ANKRD42: variants seen among roughly 807,000 people sequenced by gnomAD.
ANKRD42 encodes the protein ankyrin repeat domain 42, also known as ankyrin repeat domain-containing protein 42.
Under a neutral mutation model 51.5 loss-of-function variants are expected in ANKRD42, and 43 were observed. That is an observed-to-expected ratio of 0.83 (90% confidence interval 0.65 to 1.08). The LOEUF (loss-of-function observed/expected upper bound fraction) is 1.08, where lower values mean the gene tolerates loss of function less well. Among genes scored for constraint, ANKRD42 ranks in the 50% least tolerant of loss-of-function variants. The probability of loss-of-function intolerance (pLI) is 0.00; values close to 1 mark genes in which losing one functional copy is unlikely to be tolerated. For missense variants in ANKRD42, 608 were observed against 629.3 expected, an observed-to-expected ratio of 0.97 and a Z score of 0.36; for synonymous variants, 203 against 213.0, an observed-to-expected ratio of 0.95 and a Z score of 0.41.
intron 5 of ANKRD42, among the ~76,000 whole-genome samples, chr11:83,221,095 T>G (rs1862705879): frequency 1.3e-5 from 2 of 152,152 alleles, no homozygotes. Flanking sequence ...TTTTTTCTCC[T>G]ATGACTGGGT....
intron 8 of ANKRD42, among the ~76,000 whole-genome samples, chr11:83,239,482 C>T (rs1303394315): frequency 6.6e-6 from 1 of 152,058 alleles, no homozygotes; most frequent in East Asian, 1.9e-4. Flanking sequence ...AACACAAAGT[C>T]ATAAAAATTT....
At chr11:83,208,218 G>T (rs1051054277) in intron 3 of ANKRD42, among the ~76,000 whole-genome samples, 13 of 148,826 alleles carry the variant, frequency 8.7e-5, no homozygotes, top group African/African-American at 3.4e-4. Context: ...TCTGTGGGAG[G>T]GGGGGGTCTC....
At chr11:83,197,157 C>G (rs1861692443) in intron 1 of ANKRD42, among the ~76,000 whole-genome samples, 1 of 152,160 alleles carries the variant, frequency 6.6e-6, no homozygotes, top group South Asian at 2.1e-4. Context: ...CTTAATTGTT[C>G]TTCAAGGTCT....
intron 1 of ANKRD42, among the ~76,000 whole-genome samples, chr11:83,195,912 C>T (rs531628420): frequency 6.6e-6 from 1 of 150,888 alleles, no homozygotes; most frequent in East Asian, 1.9e-4. Flanking sequence ...TGGCGCGGTC[C>T]TCAGCTCACT....
intron 1 of ANKRD42, among the ~76,000 whole-genome samples, chr11:83,196,527 T>C (rs1442725629): frequency 6.6e-6 from 1 of 152,182 alleles, no homozygotes; most frequent in Non-Finnish European, 1.5e-5. Flanking sequence ...AGATTCTATC[T>C]TAGATGTAAC....
chr11:83,214,606 A>G (rs1862457395), intron 5 of ANKRD42: 1 of 954,724 alleles, frequency 1.0e-6, no homozygotes, highest in South Asian at 4.8e-5. Flanking sequence ...TGATAAATGT[A>G]CATATTTTTG....
intron 3 of ANKRD42, 135 bp from the exon 4 acceptor site, chr11:83,210,165 G>T (rs1267276061): frequency 9.0e-6 from 7 of 779,456 alleles, no homozygotes; most frequent in Non-Finnish European, 1.3e-5. Flanking sequence ...TGTTTTGCCT[G>T]TAGCACATAT....
Position 83,244,204 on chromosome 11 carries a change from C to T in ANKRD42, c.1196-1294C>T, listed in dbSNP as rs113675230. Among the ~76,000 whole-genome samples, 199 of 152,076 alleles carry T rather than the reference C, an allele frequency of 1.3e-3. 1 individual carries two copies. Among genetic ancestry groups the T allele is most frequent in the African/African-American group, 4.7e-3 (194 of 41,478 alleles). ...CCATGTTGGCCATACTGGTCTTGAA[C>T]TCCCAACCTCAAGTGATCCGCCCGC... On this transcript the variant is annotated intron_variant, in intron 9 of 10. Transcript: ENST00000533342.
chr11:83,225,146 A>G (rs552382448), intron 6 of ANKRD42, 91 bp downstream of exon 6: 2 of 1,145,996 alleles, frequency 1.7e-6, no homozygotes, highest in South Asian at 1.7e-5. Flanking sequence ...AGGAAAAGAT[A>G]TAAGGCAAAT....
At chr11:83,246,521 C>CT (rs1046580805) in intron 10 of ANKRD42, among the ~76,000 whole-genome samples, 2 of 152,198 alleles carry the variant, frequency 1.3e-5, no homozygotes, top group African/African-American at 4.8e-5. Context: ...CTCTGCTTGT[C>CT]TGTCTATCTG....
chr11:83,230,340 C>CT (rs1863029931), intron 7 of ANKRD42, among the ~76,000 whole-genome samples: 1 of 152,206 alleles, frequency 6.6e-6, no homozygotes, highest in Non-Finnish European at 1.5e-5. Flanking sequence ...GCATGAGCCA[C>CT]TGCATCCAGT....
At chr11:83,203,396 T>TC (rs1461178762) in intron 2 of ANKRD42, among the ~76,000 whole-genome samples, 1 of 143,026 alleles carries the variant, frequency 7.0e-6, no homozygotes, top group Non-Finnish European at 1.5e-5. Context: ...TTTTCTTTCT[T>TC]TTTTTTTTTT....
At chr11:83,209,665 A>T in intron 3 of ANKRD42, 2 of 774,322 alleles carry the variant, frequency 2.6e-6, no homozygotes, top group Middle Eastern at 3.6e-4. Flanking sequence ...TTCAGCCTCA[A>T]GCTTTACACA....
chr11:83,241,117 A>G (rs1377016997), intron 9 of ANKRD42, among the ~76,000 whole-genome samples, 183 bp downstream of exon 9: 3 of 152,242 alleles, frequency 2.0e-5, no homozygotes, highest in Non-Finnish European at 4.4e-5. Context: ...TAAAAAGTAT[A>G]AGACATAATC....
chr11:83,236,038 G>A (rs973105700), intron 7 of ANKRD42, among the ~76,000 whole-genome samples: 1 of 152,206 alleles, frequency 6.6e-6, no homozygotes, highest in Admixed American at 6.5e-5. Context: ...TTGGTTAGGA[G>A]CTATTTATAG....
In ANKRD42 at chr11:83,194,839, C is replaced by G. The variant is rs551513409; in HGVS notation, c.58+111C>G. On this transcript the variant is annotated intron_variant, in intron 1 of 10. Transcript: ENST00000533342. ...TCCTTTTCTCAGCCGTCACTCCCCCCTTTCCCTTTTTAATTTATTTTCAGG... is the reference window on the plus strand; with the variant it reads ...TCCTTTTCTCAGCCGTCACTCCCCCGTTTCCCTTTTTAATTTATTTTCAGG... 6.8e-5 allele frequency: 77 copies of G among 1,126,708 alleles called. No individual in the cohort carries two copies. The East Asian group carries it at 1.8e-3, about 26-fold the overall frequency. 69.8% of individuals were successfully genotyped at this position (1,126,708 alleles called of 1,614,324 possible).
At chr11:83,217,766 GT>G (rs1862586702) in intron 5 of ANKRD42, among the ~76,000 whole-genome samples, 1 of 152,208 alleles carries the variant, frequency 6.6e-6, no homozygotes, top group Non-Finnish European at 1.5e-5. Flanking sequence ...TTTGTTTCTG[GT>G]TGGACAATCT....
At chr11:83,237,931 A>G (rs576488124) in intron 8 of ANKRD42, among the ~76,000 whole-genome samples, 2 of 152,218 alleles carry the variant, frequency 1.3e-5, no homozygotes, top group African/African-American at 4.8e-5. Flanking sequence ...GCTTCCTGTC[A>G]CTGTAGATTG....
At chr11:83,225,826 A>G (rs1292616444) in intron 6 of ANKRD42, among the ~76,000 whole-genome samples, 1 of 150,558 alleles carries the variant, frequency 6.6e-6, no homozygotes, top group Non-Finnish European at 1.5e-5. Context: ...ATAGAGTTGA[A>G]GCCCTTTGGA....
Sources: gnomAD v4.1 joint callset for allele counts (sites outside exome capture counted in the v4.1 genomes callset) on GRCh38, gnomAD v4.1.1 for gene constraint, MANE v1.5 for transcripts, NCBI Gene and HGNC (gene_info 2026-07-23, HGNC 2026-07-21) for gene names.